The following QRICH2 variants were observed in gnomAD, a reference collection of about 807,000 sequenced individuals.
The protein encoded by QRICH2 is glutamine rich 2.
A neutral mutation model predicts 168.3 loss-of-function variants in QRICH2; 119 were observed. That is an observed-to-expected ratio of 0.71 (90% CI 0.61 to 0.82). QRICH2 has a LOEUF of 0.82. Ranked by LOEUF, QRICH2 falls within the 40% of genes least tolerant of loss-of-function variation. The pLI is 0.00. For synonymous variants in QRICH2, 894 were observed against 951.2 expected, an observed-to-expected ratio of 0.94 and a Z score of 1.11; for missense variants, 2,241 against 2,491.6, an observed-to-expected ratio of 0.90 and a Z score of 2.14.
Position 76,291,928 on chromosome 17 carries a change from T to C in QRICH2, c.2799A>G (p.Gln933=). ...CCAAACCAAGAGGATAGGCACCAGG[T>C]TGTACCAGGCCATGTGGATCTGCCT... is the stretch of plus-strand genomic sequence containing the variant. The part of the protein sequence containing the change: ...QPQADPHGLV[Q]PGAYPLGLVQ... The change falls in exon 4 of 19, where the codon CAA becomes CAG. Residue 933 remains glutamine, a synonymous_variant. Transcript: ENST00000680821. 6.2e-7 allele frequency: 1 copy of C among 1,614,192 alleles called. No individual in the cohort carries two copies. The highest frequency in any genetic ancestry group is 8.5e-7 in the Non-Finnish European group (1 of 1,180,038).
At chr17:76,298,676 C>T (rs9895597) in intron 3 of QRICH2, among the ~76,000 whole-genome samples, 53,096 of 151,492 alleles carry the variant, frequency 0.35, 12,094 homozygotes, top group African/African-American at 0.64. Flanking sequence ...AGTTCAGTGG[C>T]GCGATCTCGG....
rs752103502 is a variant in QRICH2, at chr17:76,282,941, G to A, written c.4012-826C>T. On this transcript the variant is annotated intron_variant, in intron 7 of 18. Transcript: ENST00000680821. ...AAGGTGGATTGAGAGTGGAATGGGAGAGTGACGTGGGGGCTGAGAGGATGG... is the reference window on the plus strand; with the variant it reads ...AAGGTGGATTGAGAGTGGAATGGGAAAGTGACGTGGGGGCTGAGAGGATGG... Among the ~76,000 whole-genome samples the A allele has an allele frequency of 9.0e-4, 137 of 152,324 alleles. 1 individual carries two copies. The highest frequency in any genetic ancestry group is 2.1e-3 in the Admixed American group (32 of 15,306).
chr17:76,284,461 AAATGACAAATAACTCACCTG>A (rs1180942485), intron 7 of QRICH2, among the ~76,000 whole-genome samples: 1 of 125,484 alleles, frequency 8.0e-6, no homozygotes, highest in Non-Finnish European at 1.5e-5. Flanking sequence ...CTCAACAATA[AAATGACAAATAACTCACCTG>A]AAAAAATGGA....
intron 3 of QRICH2, among the ~76,000 whole-genome samples, chr17:76,299,086 C>T (rs1334289039): frequency 6.6e-6 from 1 of 152,092 alleles, no homozygotes; most frequent in Non-Finnish European, 1.5e-5. Flanking sequence ...ATGCATCTGT[C>T]TGTCTTGAGA....
At chr17:76,304,757 C>T in intron 2 of QRICH2, 125 bp downstream of exon 2, 1 of 810,986 alleles carries the variant, frequency 1.2e-6, no homozygotes, top group Non-Finnish European at 2.1e-6. Flanking sequence ...AACCCTGGGG[C>T]AGAGACTTGA....
intron 17 of QRICH2, 62 bp from the exon 18 acceptor site, chr17:76,276,009 C>T (rs2070671747): frequency 4.4e-6 from 7 of 1,579,382 alleles, no homozygotes; most frequent in Non-Finnish European, 6.0e-6. Context: ...TGTGGGAACC[C>T]CTGGGGGTGG....
intron 2 of QRICH2, 128 bp downstream of exon 2, chr17:76,304,754 G>T (rs1438148528): frequency 2.5e-6 from 2 of 804,220 alleles, no homozygotes; most frequent in African/African-American, 1.7e-5. Flanking sequence ...TCCAACCCTG[G>T]GGCAGAGACT....
intron 3 of QRICH2, among the ~76,000 whole-genome samples, chr17:76,303,237 C>G (rs2070934039): frequency 6.6e-6 from 1 of 152,074 alleles, no homozygotes; most frequent in African/African-American, 2.4e-5. Context: ...GCCCTGAAAT[C>G]AGAAAATGGT....
rs139919426 is a variant in QRICH2, at chr17:76,291,266, A to C, written c.3461T>G (p.Leu1154Arg). 6.2e-6 allele frequency: 10 copies of C among 1,614,200 alleles called. No individual in the cohort carries two copies. In the African/African-American group the frequency reaches 1.3e-4, roughly 22 times the overall value. The change falls in exon 4 of 19, where the codon CTT (leucine) becomes CGT (arginine). Residue 1154 changes from leucine to arginine, a missense_variant. This residue lies in a region of QRICH2 where 2,047 missense variants were observed against 2,303.8 expected (regional missense o/e 0.89). Coordinates refer to ENST00000680821, the MANE Select transcript of QRICH2 (RefSeq NM_001388453.1). ...GTCGACGGAGTCTGGACTCCTGAAAAGAGTGACATCTTGGCCTGGGGCCTT... is the reference window on the plus strand; with the variant it reads ...GTCGACGGAGTCTGGACTCCTGAAACGAGTGACATCTTGGCCTGGGGCCTT... ...AQKAPGQDVTLFRSPDSVDRV... is the reference protein window; with the variant it reads ...AQKAPGQDVTRFRSPDSVDRV...
chr17:76,291,741 C>T lies in QRICH2; in HGVS notation c.2986G>A (p.Ala996Thr), dbSNP rs1431340790. ...ACTGATATAAAACCTGTAGAATCTG[C>T]CTGGAATGTTGAAGAGCCACGAAGC... ...TKLRGSSTFQ[A>T]DSTGFISVRP... The change falls in exon 4 of 19, where the codon GCA becomes ACA. Residue 996 changes from alanine (A) to threonine (T), a missense_variant. Ala to Thr is a moderately conservative substitution (Grantham distance 58, BLOSUM62 0). Coordinates refer to ENST00000680821, the MANE Select transcript of QRICH2 (RefSeq NM_001388453.1). 6.2e-7 allele frequency: 1 copy of T among 1,614,140 alleles called. No homozygotes were observed. Among genetic ancestry groups the T allele is most frequent in the South Asian group, 1.1e-5 (1 of 91,084 alleles).
rs559690570 is a variant in QRICH2, at chr17:76,278,150, C to A, written c.4956G>T (p.Ala1652=). The A allele has an allele frequency of 2.5e-6, 4 of 1,611,056 alleles. No individual in the cohort carries two copies. The East Asian group carries it at 8.9e-5, about 36-fold the overall frequency. Reference sequence around the variant, plus strand: ...GGCGCCCCACGCTCTGCTCCATCTGCGCCAGGTCACCCCGAGGGAAGGCGC... The same window carrying A: ...GGCGCCCCACGCTCTGCTCCATCTGAGCCAGGTCACCCCGAGGGAAGGCGC... ...LGSAFPRGDL[A]QMEQSVGRLR... is the part of the protein sequence containing the mutation. Residue 1652 remains alanine (A), a synonymous_variant, in exon 15 of 19, where the codon GCG becomes GCT. Coordinates refer to ENST00000680821, the MANE Select transcript of QRICH2 (RefSeq NM_001388453.1).
Position 76,281,759 on chromosome 17 carries a change from T to C in QRICH2, c.4263+105A>G. 6.9e-7 allele frequency: 1 copy of C among 1,442,228 alleles called. No individual in the cohort carries two copies. Among genetic ancestry groups the C allele is most frequent in the South Asian group, 1.3e-5 (1 of 79,528 alleles). The allele number at this position is 1,442,228 out of a possible 1,614,324, so 89.3% of individuals were successfully genotyped here. A position where few individuals can be genotyped will look rare whatever the true frequency, so the allele number is the denominator to read the frequency against. Reference sequence around the variant, plus strand: ...AGGGCTCCGCCACGGAGAGCTGACCTTGAGGCCCAAACACCCGCCCCACTT... The same window carrying C: ...AGGGCTCCGCCACGGAGAGCTGACCCTGAGGCCCAAACACCCGCCCCACTT... On this transcript the variant is annotated intron_variant, in intron 8 of 18. Transcript: ENST00000680821. The surrounding 1 kb of genome is among the most constrained non-coding windows in gnomAD (Gnocchi z 4.4).
rs1567790522 is a variant in QRICH2, at chr17:76,304,430, C to T, written c.690G>A (p.Trp230Ter). The T allele has an allele frequency of 6.2e-7, 1 of 1,612,896 alleles. No individual in the cohort carries two copies. Among genetic ancestry groups the T allele is most frequent in the East Asian group, 2.2e-5 (1 of 44,872 alleles). ...EELEQAITDG[W>*]RASQAGSETL... ...ACTGGTTCACCGCTTGTGAGGCTCTCCAGCCGTCCGTAATCGCCTGCTCCA... is the reference window on the plus strand; with the variant it reads ...ACTGGTTCACCGCTTGTGAGGCTCTTCAGCCGTCCGTAATCGCCTGCTCCA... The change falls in exon 3 of 19, where the codon TGG becomes TGA. Residue 230 changes from tryptophan to a stop codon, truncating the protein, a stop_gained. Coordinates refer to ENST00000680821, the MANE Select transcript of QRICH2 (RefSeq NM_001388453.1). LOFTEE classifies it high-confidence loss of function.
Position 76,291,728 on chromosome 17 carries a change from C to A in QRICH2, c.2999G>T (p.Gly1000Val). The A allele has an allele frequency of 1.2e-6, 2 of 1,614,170 alleles. No homozygotes were observed. The highest frequency in any genetic ancestry group is 1.7e-6 in the Non-Finnish European group (2 of 1,180,034). Reference protein sequence around the residue: ...GSSTFQADSTGFISVRPYQHG... With the variant: ...GSSTFQADSTVFISVRPYQHG... ...TTGATATGGACGTACTGATATAAAA[C>A]CTGTAGAATCTGCCTGGAATGTTGA... The change falls in exon 4 of 19, where the codon GGT becomes GTT. Residue 1000 changes from glycine (G) to valine (V), a missense_variant. This residue lies in a region of QRICH2 where 2,047 missense variants were observed against 2,303.8 expected (regional missense o/e 0.89). Transcript: ENST00000680821.
At chr17:76,277,613 C>T (rs1048434496) in intron 15 of QRICH2, among the ~76,000 whole-genome samples, 3 of 151,916 alleles carry the variant, frequency 2.0e-5, no homozygotes, top group South Asian at 2.1e-4. Flanking sequence ...CACATACACA[C>T]GAAGATGCAC....
chr17:76,287,928 C>A (rs2143250662), intron 5 of QRICH2, 31 bp from the exon 6 acceptor site: 3 of 1,566,134 alleles, frequency 1.9e-6, no homozygotes, highest in Non-Finnish European at 2.6e-6. Flanking sequence ...GAGGGTCAGG[C>A]AGGCCTGAGC....
Position 76,281,357 on chromosome 17 carries a change from G to A in QRICH2, c.4264-404C>T, listed in dbSNP as rs1314909429. Among the ~76,000 whole-genome samples, 3 of 152,174 alleles carry A rather than the reference G, an allele frequency of 2.0e-5. No individual in the cohort carries two copies. The highest frequency in any genetic ancestry group is 1.3e-4 in the Admixed American group (2 of 15,282). On this transcript the variant is annotated intron_variant, in intron 8 of 18. Coordinates refer to ENST00000680821, the MANE Select transcript of QRICH2 (RefSeq NM_001388453.1). This position sits in a 1 kb window ranked among gnomAD's most constrained non-coding sequence, Gnocchi z 4.4. ...GAGGTGATGGAGGCTCAGGAGTGAT[G>A]TGCTGTCCCGGGGCACTTGAGAGCT...
chr17:76,304,740 TCCC>T, intron 2 of QRICH2, 139 bp downstream of exon 2: 1 of 775,574 alleles, frequency 1.3e-6, no homozygotes, highest in Non-Finnish European at 2.3e-6. Flanking sequence ...GGGGCAGATT[TCCC>T]TCCAACCCTG....
chr17:76,304,381 C>T (rs2070955375), intron 3 of QRICH2, 34 bp downstream of exon 3: 1 of 1,469,080 alleles, frequency 6.8e-7, no homozygotes, highest in Non-Finnish European at 9.5e-7. Flanking sequence ...GGGAGCCCCA[C>T]CCAAGACCAC....
Sources: gnomAD v4.1 joint callset for allele counts (sites outside exome capture counted in the v4.1 genomes callset) on GRCh38, gnomAD v4.1.1 for gene constraint, gnomAD v4.1.1 regional missense constraint, Gnocchi (gnomAD v3.1) non-coding constraint, MANE v1.5 for transcripts, NCBI Gene and HGNC (gene_info 2026-07-23, HGNC 2026-07-21) for gene names.